Variants in WRAP53 observed in about 807,000 individuals in gnomAD.
WRAP53 encodes WD repeat containing antisense to TP53, also known as telomerase Cajal body protein 1.
In WRAP53, 28 loss-of-function variants were observed where a neutral mutation model predicts 56.6. That is an observed-to-expected ratio of 0.50 (90% CI 0.37 to 0.68). The LOEUF is 0.68. Among genes scored for constraint, WRAP53 ranks in the 30% least tolerant of loss-of-function variants. The probability of loss-of-function intolerance (pLI) is 0.00; values close to 1 mark genes in which losing one functional copy is unlikely to be tolerated. For missense variants in WRAP53, 671 were observed against 715.5 expected, an observed-to-expected ratio of 0.94 and a Z score of 0.71; for synonymous variants, 283 against 283.4, an observed-to-expected ratio of 1.00 and a Z score of 0.01.
chr17:7,701,623 G>T lies in WRAP53; in HGVS notation c.823-34G>T. The T allele has an allele frequency of 6.2e-7, 1 of 1,614,252 alleles. No individual in the cohort carries two copies. ...CTTCCTTGAGGGCAGCTGAGGCTTT[G>T]CAAGACCTGTTTTCAGCCCTTTCCT... is the stretch of plus-strand genomic sequence containing the variant. On this transcript the variant is annotated intron_variant, in intron 6 of 10. Transcript: ENST00000396463. The surrounding 1 kb of genome is among the most constrained non-coding windows in gnomAD (Gnocchi z 4.2).
upstream of WRAP53, chr17:7,687,776 A>G (rs1016840948): frequency 2.5e-6 from 1 of 396,746 alleles, no homozygotes; most frequent in Non-Finnish European, 4.4e-6. Context: ...GGAATCCTGC[A>G]TTGTGTCAAA....
In WRAP53 at chr17:7,700,705, T is replaced by G. The variant is rs1198313210; in HGVS notation, c.643-36T>G. The G allele has an allele frequency of 2.0e-6, 3 of 1,524,906 alleles. No individual in the cohort carries two copies. In the African/African-American group the frequency reaches 4.1e-5, roughly 21 times the overall value. The allele number at this position is 1,524,906 out of a possible 1,614,324, so 94.5% of individuals were successfully genotyped here. On this transcript the variant is annotated intron_variant, in intron 4 of 10. Transcript: ENST00000396463. ...GCACGCGCCTCAGACTCCTTTTCCC[T>G]CCGAGTGACTCAGCCATTCCCCCGT... is the stretch of plus-strand genomic sequence containing the variant.
upstream of WRAP53, chr17:7,688,339 A>G (rs1288028905): frequency 8.9e-6 from 4 of 450,346 alleles, no homozygotes; most frequent in African/African-American, 2.0e-5. Context: ...GAAACCTTCT[A>G]ACCTTTCACG....
In WRAP53 at chr17:7,688,889, A is replaced by G; in HGVS notation, c.241A>G (p.Thr81Ala). 6.2e-7 allele frequency: 1 copy of G among 1,614,202 alleles called. No individual in the cohort carries two copies. Among genetic ancestry groups the G allele is most frequent in the South Asian group, 1.1e-5 (1 of 91,084 alleles). Residue 81 changes from threonine to alanine, a missense_variant, in exon 2 of 11, where the codon ACA becomes GCA. Physicochemically the swap from Thr to Ala is moderately conservative, Grantham distance 58 (BLOSUM62 0). Around this residue, in one of 3 missense-constraint regions of WRAP53, gnomAD observed 406 missense variants for 418.5 expected, o/e 0.97. Coordinates refer to ENST00000396463, the MANE Select transcript of WRAP53 (RefSeq NM_001143992.2). ...AGTTTCTCTCTCCACTCCCCTGGAAACAGAGTTTGGTTCCCCTAGTGAGTT... is the reference window on the plus strand; with the variant it reads ...AGTTTCTCTCTCCACTCCCCTGGAAGCAGAGTTTGGTTCCCCTAGTGAGTT... The part of the protein sequence containing the change: ...DPVSLSTPLE[T>A]EFGSPSELSP...
Position 7,702,451 on chromosome 17 carries a change from G to C in WRAP53, c.1063G>C (p.Asp355His), listed in dbSNP as rs1196964149. Residue 355 changes from aspartate to histidine, a missense_variant, in exon 8 of 11, where the codon GAT becomes CAT. Around this residue, in one of 3 missense-constraint regions of WRAP53, gnomAD observed 158 missense variants for 215.7 expected, o/e 0.73. Coordinates refer to ENST00000396463, the MANE Select transcript of WRAP53 (RefSeq NM_001143992.2). This position sits in a 1 kb window ranked among gnomAD's most constrained non-coding sequence, Gnocchi z 5.0. ...CCGCTCCCTGGGTCTGTATGCCTGG[G>C]ATGATGGCTCCCCTCTCGCCTTGCT... The part of the protein sequence containing the change: ...YGRSLGLYAW[D>H]DGSPLALLGG... 1 of 1,613,972 alleles carries C rather than the reference G, an allele frequency of 6.2e-7. No homozygotes were observed.
At chr17:7,700,040 TTTTTC>T (rs1044209779) in intron 4 of WRAP53, among the ~76,000 whole-genome samples, 1 of 151,338 alleles carries the variant, frequency 6.6e-6, no homozygotes, top group Admixed American at 6.6e-5. Flanking sequence ...GCCGATAATT[TTTTTC>T]TTTTCTTTTT....
At position 7,700,420 on chromosome 17, in the gene WRAP53, G is replaced by A. The variant is rs1260215185; in HGVS notation, c.643-321G>A. ...AGCACTTTTGGAGGCTGAGGCGGGT[G>A]GATCACCTGAGGTCAGAAGTTTGAG... On this transcript the variant is annotated intron_variant, in intron 4 of 10. Transcript: ENST00000396463. 2.0e-5 allele frequency among the ~76,000 whole-genome samples: 3 copies of A among 151,564 alleles called. No homozygotes were observed. In the South Asian group the frequency reaches 6.2e-4, roughly 32 times the overall value.
In WRAP53 at chr17:7,688,824, C is replaced by T. The variant is rs1473287374; in HGVS notation, c.176C>T (p.Ala59Val). The T allele has an allele frequency of 6.2e-7, 1 of 1,614,232 alleles. No homozygotes were observed. Among genetic ancestry groups the T allele is most frequent in the Non-Finnish European group, 8.5e-7 (1 of 1,180,048 alleles). Residue 59 changes from alanine (A) to valine (V), a missense_variant, in exon 2 of 11, where the codon GCT becomes GTT. Physicochemically the swap from Ala to Val is moderately conservative, Grantham distance 64. Transcript: ENST00000396463. ...DPPRLSPDPVAGSAVSQELRE... is the reference protein window; with the variant it reads ...DPPRLSPDPVVGSAVSQELRE... ...CCCCGGTTGTCCCCAGATCCTGTGG[C>T]TGGCTCAGCTGTGTCCCAGGAGCTA...
intron 4 of WRAP53, among the ~76,000 whole-genome samples, chr17:7,697,472 A>C (rs981974733): frequency 6.6e-6 from 1 of 152,150 alleles, no homozygotes; most frequent in Non-Finnish European, 1.5e-5. Context: ...AGCCTGGCCA[A>C]CATGGTGAAA....
chr17:7,695,569 G>A (rs1294524985), intron 4 of WRAP53, among the ~76,000 whole-genome samples: 2 of 152,078 alleles, frequency 1.3e-5, no homozygotes, highest in African/African-American at 4.8e-5. Flanking sequence ...CCCAAATGCT[G>A]TAGCCACACA....
Position 7,703,420 on chromosome 17 carries a change from C to T in WRAP53, c.1581C>T (p.Ile527=), listed in dbSNP as rs762638365. The T allele has an allele frequency of 3.1e-6, 5 of 1,612,026 alleles. No homozygotes were observed. Among genetic ancestry groups the T allele is most frequent in the Non-Finnish European group, 3.4e-6 (4 of 1,179,052 alleles). The change falls in exon 11 of 11, where the codon ATC becomes ATT. Residue 527 remains isoleucine (I), a synonymous_variant. Coordinates refer to ENST00000396463, the MANE Select transcript of WRAP53 (RefSeq NM_001143992.2). The part of the protein sequence containing the change: ...WWCGGAPDSS[I]PDDHQGEKGQ... ...GTGGGGGGGCGCCAGACTCCAGCAT[C>T]CCTGATGATCACCAGGGCGAGAAAG...
At chr17:7,691,967 G>C (rs2074116512) in intron 4 of WRAP53, among the ~76,000 whole-genome samples, 1 of 152,004 alleles carries the variant, frequency 6.6e-6, no homozygotes, top group Non-Finnish European at 1.5e-5. Flanking sequence ...CTTCCGAGTA[G>C]CTGGGATTAC....
intron 4 of WRAP53, among the ~76,000 whole-genome samples, chr17:7,696,459 T>C (rs1397151801): frequency 6.6e-6 from 1 of 151,990 alleles, no homozygotes; most frequent in Non-Finnish European, 1.5e-5. Flanking sequence ...CCACCACGCC[T>C]GGCTAATTTT....
intron 4 of WRAP53, among the ~76,000 whole-genome samples, chr17:7,696,337 C>CA (rs2074184756): frequency 8.7e-6 from 1 of 115,030 alleles, no homozygotes; most frequent in Non-Finnish European, 1.6e-5. Context: ...CTTGCTCTGT[C>CA]GCCCAGGCTG....
chr17:7,696,952 G>A (rs2074193920), intron 4 of WRAP53, among the ~76,000 whole-genome samples: 2 of 152,164 alleles, frequency 1.3e-5, no homozygotes, highest in African/African-American at 4.8e-5. Context: ...AGTCCTGGCT[G>A]GTTGACATCA....
chr17:7,688,971 A>C lies in WRAP53; in HGVS notation c.323A>C (p.Glu108Ala), dbSNP rs144238223. 7.4e-6 allele frequency: 12 copies of C among 1,614,168 alleles called. No homozygotes were observed. The South Asian group carries it at 9.9e-5, about 13-fold the overall frequency. ...LSENTSLPAE[E>A]ANGSLSEEEA... ...GAAAATACAAGCCTTCCTGCAGAAG[A>C]AGCAAACGGGAGCCTTTCTGAAGAA... is the stretch of plus-strand genomic sequence containing the variant. The change falls in exon 2 of 11, where the codon GAA becomes GCA. Residue 108 changes from glutamate to alanine, a missense_variant. Around this residue, in one of 3 missense-constraint regions of WRAP53, gnomAD observed 406 missense variants for 418.5 expected, o/e 0.97. Transcript: ENST00000396463.
chr17:7,689,134 A>G, intron 2 of WRAP53, 55 bp downstream of exon 2: 1 of 1,613,606 alleles, frequency 6.2e-7, no homozygotes, highest in Non-Finnish European at 8.5e-7. Flanking sequence ...TGTGAGGTCG[A>G]TCTGTCCTCT....
chr17:7,698,875 AAAAT>A (rs34271914), intron 4 of WRAP53, among the ~76,000 whole-genome samples: 52,920 of 147,250 alleles, frequency 0.36, 13,731 homozygotes, highest in African/African-American at 0.74. Context: ...GACTCCGTCA[AAAAT>A]AAATAAATAA....
intron 4 of WRAP53, among the ~76,000 whole-genome samples, chr17:7,700,072 G>C (rs1470300240): frequency 2.0e-5 from 3 of 150,448 alleles, no homozygotes; most frequent in Admixed American, 6.6e-5. Flanking sequence ...TTTTTGGGGG[G>C]CACTGTCTCT....
Sources: gnomAD v4.1 joint callset for allele counts (sites outside exome capture counted in the v4.1 genomes callset) on GRCh38, gnomAD v4.1.1 for gene constraint, gnomAD v4.1.1 regional missense constraint, Gnocchi (gnomAD v3.1) non-coding constraint, MANE v1.5 for transcripts, NCBI Gene and HGNC (gene_info 2026-07-23, HGNC 2026-07-21) for gene names.